The following DNM3 variants were observed in gnomAD, a reference collection of about 807,000 sequenced individuals.
DNM3 encodes the protein dynamin 3, also known as dynamin-3.
A neutral mutation model predicts 101.6 loss-of-function variants in DNM3; 47 were observed. The ratio of observed to expected loss-of-function variants is 0.46; its 90% CI spans 0.37 to 0.59. The LOEUF is 0.59. Ranked by LOEUF, DNM3 falls within the 20% of genes least tolerant of loss-of-function variation. DNM3 has a pLI of 0.00. For synonymous variants in DNM3, 385 were observed against 387.9 expected (o/e 0.99, Z 0.09); for missense variants, 849 against 1,085.7 (o/e 0.78, Z 3.06).
chr1:171,984,837 G>A (rs1205937791), intron 2 of DNM3, among the ~76,000 whole-genome samples: 1 of 152,140 alleles, frequency 6.6e-6, no homozygotes, highest in Non-Finnish European at 1.5e-5. Context: ...GAATCTGTCT[G>A]GGGGACACTA....
intron 2 of DNM3, among the ~76,000 whole-genome samples, chr1:171,926,254 G>T (rs1017606571): frequency 6.6e-6 from 1 of 152,054 alleles, no homozygotes; most frequent in Admixed American, 6.5e-5. Flanking sequence ...TGTGAAAGAT[G>T]ATGTTGGTAA....
At chr1:171,950,209 A>G (rs576085933) in intron 2 of DNM3, among the ~76,000 whole-genome samples, 102 of 152,318 alleles carry the variant, frequency 6.7e-4, no homozygotes, top group South Asian at 6.2e-3. Context: ...GAAGCCAGAA[A>G]AAAAAGAGTA....
At chr1:171,880,521 T>A (rs962556491) in intron 1 of DNM3, among the ~76,000 whole-genome samples, 2 of 152,180 alleles carry the variant, frequency 1.3e-5, no homozygotes, top group Admixed American at 6.5e-5. Context: ...ATAAGCAACG[T>A]TAGTTGAATA....
chr1:172,149,436 A>G (rs2058045264), intron 14 of DNM3, among the ~76,000 whole-genome samples: 1 of 152,184 alleles, frequency 6.6e-6, no homozygotes, highest in African/African-American at 2.4e-5. Context: ...AATTGGAAGC[A>G]CTGTCTTGAA....
At position 172,323,332 on chromosome 1, in the gene DNM3, A is replaced by T; in HGVS notation, c.1885A>T (p.Asn629Tyr). Residue 629 changes from asparagine (N) to tyrosine (Y), a missense_variant, in exon 17 of 21, where the codon AAC becomes TAC. Physicochemically the swap from Asn to Tyr is moderately radical, Grantham distance 143. This residue lies in a region of DNM3 where 256 missense variants were observed against 311.7 expected (regional missense o/e 0.82). Coordinates refer to ENST00000627582, the MANE Select transcript of DNM3 (RefSeq NM_015569.5). ...AGVYPDKSVGNNKAENDENGQ... is the reference protein window; with the variant it reads ...AGVYPDKSVGYNKAENDENGQ... ...TTCCTTGCGGCTACATGCATAGGGG[A>T]ACAACAAAGTAAGTTATTTGTCCTC... 6.2e-7 allele frequency: 1 copy of T among 1,605,934 alleles called. No individual in the cohort carries two copies. Among genetic ancestry groups the T allele is most frequent in the Non-Finnish European group, 8.5e-7 (1 of 1,175,938 alleles).
At chr1:171,893,453 C>CA (rs1553288229) in intron 1 of DNM3, among the ~76,000 whole-genome samples, 4 of 147,536 alleles carry the variant, frequency 2.7e-5, no homozygotes. Context: ...TAATATTTGA[C>CA]TTTTTTTTTT....
At chr1:172,353,019 T>C (rs2148988418) in intron 17 of DNM3, among the ~76,000 whole-genome samples, 1 of 152,260 alleles carries the variant, frequency 6.6e-6, no homozygotes, top group South Asian at 2.1e-4. Flanking sequence ...CTCTTCTTTT[T>C]CAAATCCCCA....
chr1:172,389,361 ATTG>A lies in DNM3; in HGVS notation c.2522+557_2522+559del, dbSNP rs558721719. On this transcript the variant is annotated intron_variant, in intron 20 of 20. Transcript: ENST00000627582. ...ACATAGAAATTTTAATATAGGCATG[ATTG>A]TTGTATACAGTCACTAATCATATAT... is the stretch of plus-strand genomic sequence containing the variant. The A allele has an allele frequency of 1.3e-4, 21 of 157,224 alleles. No individual in the cohort carries two copies. The South Asian group carries it at 3.9e-3, about 29-fold the overall frequency. The allele number at this position is 157,224 out of a possible 1,614,324, so 9.7% of individuals were successfully genotyped here. A position where few individuals can be genotyped will look rare whatever the true frequency, so the allele number is the denominator to read the frequency against.
Position 172,038,416 on chromosome 1 carries a change from AT to A in DNM3, c.950del (p.Phe317SerfsTer35). On this transcript the variant is annotated frameshift_variant, in exon 7 of 21. Transcript: ENST00000627582. LOFTEE classifies it high-confidence loss of function. ...SIEHEVEAYK[N>X]FKPEDPTRKT... Reference sequence around the variant, plus strand: ...GAACATGAAGTAGAAGCCTACAAAAATTTCAAACCAGAAGACCCAACAAGGA... The same window carrying A: ...GAACATGAAGTAGAAGCCTACAAAAATTCAAACCAGAAGACCCAACAAGGA... 1 of 1,613,468 alleles carries A rather than the reference AT, an allele frequency of 6.2e-7. No homozygotes were observed. Among genetic ancestry groups the A allele is most frequent in the Non-Finnish European group, 8.5e-7 (1 of 1,179,544 alleles).
intron 20 of DNM3, among the ~76,000 whole-genome samples, chr1:172,405,498 C>T (rs528800131): frequency 2.0e-5 from 3 of 152,152 alleles, no homozygotes; most frequent in South Asian, 4.1e-4. Flanking sequence ...CAGTTTCATT[C>T]CTTTCTCTCT....
At chr1:172,208,289 A>T (rs1319035163) in intron 14 of DNM3, among the ~76,000 whole-genome samples, 1 of 152,062 alleles carries the variant, frequency 6.6e-6, no homozygotes, top group Non-Finnish European at 1.5e-5. Context: ...TTTTATCTAG[A>T]TCATGTTTTG....
chr1:172,301,911 G>T (rs543982253), intron 15 of DNM3, among the ~76,000 whole-genome samples: 2 of 152,240 alleles, frequency 1.3e-5, no homozygotes, highest in East Asian at 1.9e-4. Context: ...TTATGGTCCC[G>T]TTCCAAGATG....
At chr1:171,904,066 G>C (rs760644075) in intron 1 of DNM3, among the ~76,000 whole-genome samples, 3 of 152,016 alleles carry the variant, frequency 2.0e-5, no homozygotes, top group Non-Finnish European at 4.4e-5. Context: ...TCAGCACTTT[G>C]GGAGGCTGTG....
chr1:172,019,580 C>T (rs1378427784), intron 4 of DNM3, among the ~76,000 whole-genome samples: 2 of 151,758 alleles, frequency 1.3e-5, no homozygotes, highest in East Asian at 3.9e-4. Context: ...TCCTTTCTCT[C>T]TCTCTTCTTC....
chr1:172,006,944 G>C (rs971871705), intron 4 of DNM3, among the ~76,000 whole-genome samples: 3 of 152,064 alleles, frequency 2.0e-5, no homozygotes, highest in Admixed American at 2.0e-4. Context: ...CTTCTGCTCA[G>C]CATAATGTTT....
chr1:172,030,814 C>T (rs1460540616), intron 4 of DNM3, among the ~76,000 whole-genome samples: 1 of 152,186 alleles, frequency 6.6e-6, no homozygotes, highest in African/African-American at 2.4e-5. Context: ...CTCATCATCA[C>T]TGGTCATTAG....
intron 4 of DNM3, among the ~76,000 whole-genome samples, chr1:172,012,126 A>T (rs926247901): frequency 6.6e-6 from 1 of 152,074 alleles, no homozygotes; most frequent in Non-Finnish European, 1.5e-5. Context: ...CACAATAAGT[A>T]GACTCAAACA....
chr1:172,334,903 GC>G (rs1411282901), intron 17 of DNM3, among the ~76,000 whole-genome samples: 3 of 151,990 alleles, frequency 2.0e-5, no homozygotes, highest in African/African-American at 7.3e-5. Flanking sequence ...ACTTTTATGT[GC>G]TTCCTCTAAA....
At chr1:171,932,584 A>G (rs2041115032) in intron 2 of DNM3, among the ~76,000 whole-genome samples, 1 of 152,050 alleles carries the variant, frequency 6.6e-6, no homozygotes, top group Non-Finnish European at 1.5e-5. Context: ...TAGGGTATTC[A>G]TCTTTATTTT....
Sources: gnomAD v4.1 joint callset for allele counts (sites outside exome capture counted in the v4.1 genomes callset) on GRCh38, gnomAD v4.1.1 for gene constraint, gnomAD v4.1.1 regional missense constraint, MANE v1.5 for transcripts, NCBI Gene and HGNC (gene_info 2026-07-23, HGNC 2026-07-21) for gene names.